Variants in SLC2A13 observed in about 807,000 individuals in gnomAD.
SLC2A13 encodes solute carrier family 2 member 13.
Under a neutral mutation model 64.4 loss-of-function variants are expected in SLC2A13, and 32 were observed. The ratio of observed to expected loss-of-function variants is 0.50; its 90% confidence interval spans 0.37 to 0.67. SLC2A13 has a LOEUF of 0.67. SLC2A13 is among the 30% of genes least tolerant of loss of function. The probability of loss-of-function intolerance (pLI) is 0.00; values close to 1 mark genes in which losing one functional copy is unlikely to be tolerated. For synonymous variants in SLC2A13, 338 were observed against 327.1 expected (o/e 1.03, Z -0.36); for missense variants, 743 against 829.2 (o/e 0.90, Z 1.28).
chr12:39,812,617 C>T (rs1348429706), intron 7 of SLC2A13, among the ~76,000 whole-genome samples: 8 of 151,174 alleles, frequency 5.3e-5, no homozygotes, highest in African/African-American at 9.7e-5. Context: ...GGACTACAGG[C>T]GCCCACGGCT....
At chr12:39,987,741 T>C (rs1182749714) in intron 3 of SLC2A13, among the ~76,000 whole-genome samples, 2 of 152,204 alleles carry the variant, frequency 1.3e-5, no homozygotes, top group Non-Finnish European at 2.9e-5. Flanking sequence ...ATCATCGGAT[T>C]CCTGGGATTA....
chr12:40,081,171 CTATCTATCT>C (rs1369677793), intron 1 of SLC2A13, among the ~76,000 whole-genome samples: 1 of 152,178 alleles, frequency 6.6e-6, no homozygotes, highest in Non-Finnish European at 1.5e-5. Context: ...AATCTGATGA[CTATCTATCT>C]TCAAGATGGA....
At chr12:39,988,022 A>G (rs1395698077) in intron 3 of SLC2A13, among the ~76,000 whole-genome samples, 1 of 152,116 alleles carries the variant, frequency 6.6e-6, no homozygotes, top group African/African-American at 2.4e-5. Context: ...AACTTAGTAA[A>G]TCCCCTATTG....
intron 4 of SLC2A13, among the ~76,000 whole-genome samples, chr12:39,890,582 A>T (rs1944580938): frequency 6.6e-6 from 1 of 152,222 alleles, no homozygotes; most frequent in Non-Finnish European, 1.5e-5. Context: ...TTTCTGACAT[A>T]CTAGACTGTA....
intron 1 of SLC2A13, among the ~76,000 whole-genome samples, chr12:40,051,943 C>A (rs1948264400): frequency 6.6e-6 from 1 of 151,972 alleles, no homozygotes; most frequent in South Asian, 2.1e-4. Context: ...TGCAGGGAAG[C>A]AACACGTACA....
rs941703229 is a variant in SLC2A13, at chr12:39,759,745, G to C, written c.*281C>G. 4 of 351,220 alleles carry C rather than the reference G, an allele frequency of 1.1e-5. No individual in the cohort carries two copies. The highest frequency in any genetic ancestry group is 2.1e-5 in the Non-Finnish European group (4 of 192,300). The allele number at this position is 351,220 out of a possible 1,614,324, so 21.8% of individuals were successfully genotyped here. A position where few individuals can be genotyped will look rare whatever the true frequency, so the allele number is the denominator to read the frequency against. On this transcript the variant is annotated 3_prime_UTR_variant, in exon 10 of 10. Transcript: ENST00000280871. ...AAAAGGATACCACTGAAGTCACTGG[G>C]TACAATATTCATTTTAGACTATTTC...
chr12:40,047,485 T>A (rs1948188861), intron 2 of SLC2A13, among the ~76,000 whole-genome samples: 1 of 152,186 alleles, frequency 6.6e-6, no homozygotes, highest in Admixed American at 6.5e-5. Flanking sequence ...TAACATAAGA[T>A]TTTGTTTTAA....
intron 3 of SLC2A13, among the ~76,000 whole-genome samples, chr12:39,969,269 T>C (rs1205308286): frequency 2.6e-5 from 4 of 152,190 alleles, no homozygotes; most frequent in Admixed American, 1.3e-4. Context: ...TAGGTGTGCA[T>C]GTGTCTTTAT....
intron 4 of SLC2A13, among the ~76,000 whole-genome samples, chr12:39,891,225 C>A (rs1019280062): frequency 6.6e-6 from 1 of 150,798 alleles, no homozygotes; most frequent in African/African-American, 2.4e-5. Context: ...TTCCAACCTT[C>A]TGCTGAGCTC....
intron 5 of SLC2A13, among the ~76,000 whole-genome samples, chr12:39,870,951 A>C (rs2062574989): frequency 6.6e-6 from 1 of 152,222 alleles, no homozygotes; most frequent in African/African-American, 2.4e-5. Context: ...ATTTGGTTAA[A>C]ATAGAATTTA....
intron 1 of SLC2A13, among the ~76,000 whole-genome samples, chr12:40,077,327 T>A (rs562845575): frequency 6.6e-6 from 1 of 152,306 alleles, no homozygotes; most frequent in East Asian, 1.9e-4. Flanking sequence ...TTGATTTTTG[T>A]ATATGAAGAA....
At chr12:39,971,449 T>C (rs1383600240) in intron 3 of SLC2A13, among the ~76,000 whole-genome samples, 1 of 152,228 alleles carries the variant, frequency 6.6e-6, no homozygotes, top group East Asian at 1.9e-4. Context: ...TATTACCTTT[T>C]CTGGCAAAAA....
At chr12:39,953,323 T>C (rs1016897860) in intron 3 of SLC2A13, among the ~76,000 whole-genome samples, 6 of 152,214 alleles carry the variant, frequency 3.9e-5, no homozygotes, top group African/African-American at 1.4e-4. Context: ...AAATAAATGA[T>C]GGTAGTTCCT....
At chr12:39,937,678 G>A (rs995222413) in intron 4 of SLC2A13, among the ~76,000 whole-genome samples, 4 of 152,154 alleles carry the variant, frequency 2.6e-5, no homozygotes, top group African/African-American at 9.7e-5. Flanking sequence ...CCATGGAGAT[G>A]AATTTCCACT....
chr12:40,051,874 G>A (rs1948262725), intron 1 of SLC2A13, among the ~76,000 whole-genome samples: 1 of 152,176 alleles, frequency 6.6e-6, no homozygotes, highest in South Asian at 2.1e-4. Context: ...GAAGATGCAT[G>A]ATCAGGTTCA....
chr12:40,105,347 G>T lies in SLC2A13; in HGVS notation c.462C>A (p.Ala154=). ...VFGRRAAILL[A]SALFTAGSAV... ...CGGAGCCGGCGGTGAAGAGGGCACT[G>T]GCCAGGAGGATGGCAGCGCGGCGGC... Residue 154 remains alanine (A), a synonymous_variant, in exon 1 of 10, where the codon GCC becomes GCA. Coordinates refer to ENST00000280871, the MANE Select transcript of SLC2A13 (RefSeq NM_052885.4). The surrounding 1 kb of genome is among the most constrained non-coding windows in gnomAD (Gnocchi z 4.2). 1.9e-6 allele frequency: 3 copies of T among 1,593,032 alleles called. No homozygotes were observed. The highest frequency in any genetic ancestry group is 2.6e-6 in the Non-Finnish European group (3 of 1,171,102).
intron 1 of SLC2A13, among the ~76,000 whole-genome samples, chr12:40,102,953 T>C (rs888374818): frequency 6.6e-6 from 1 of 152,258 alleles, no homozygotes; most frequent in Admixed American, 6.5e-5. Context: ...AGCCTGTTTA[T>C]GATCTTAAAA....
At chr12:39,896,300 ATATGTATACATATATG>A (rs1280254480) in intron 4 of SLC2A13, among the ~76,000 whole-genome samples, 15 of 143,286 alleles carry the variant, frequency 1.0e-4, no homozygotes, top group African/African-American at 3.6e-4. Context: ...ATGTGTGTAT[ATATGTATACATATATG>A]TATGTATATG....
At chr12:39,925,115 C>A (rs1945701015) in intron 4 of SLC2A13, among the ~76,000 whole-genome samples, 2 of 149,172 alleles carry the variant, frequency 1.3e-5, no homozygotes, top group South Asian at 4.2e-4. Context: ...GGATCGCTCA[C>A]TCGATCTCCT....
Sources: allele counts gnomAD v4.1 joint callset (sites outside exome capture counted in the v4.1 genomes callset), GRCh38; gene constraint gnomAD v4.1.1; non-coding constraint Gnocchi (gnomAD v3.1); transcripts MANE v1.5; gene names NCBI Gene and HGNC (gene_info 2026-07-23, HGNC 2026-07-21).